DACH2: variants seen among roughly 807,000 people sequenced by gnomAD.
DACH2 encodes dachshund family transcription factor 2.
In DACH2, 17 loss-of-function variants were observed where a neutral mutation model predicts 35.8. The observed-to-expected ratio is 0.48, with a 90% confidence interval of 0.33 to 0.71. DACH2 has a LOEUF of 0.71. DACH2 is among the 30% of genes least tolerant of loss of function. The pLI is 0.02. For missense variants in DACH2, 469 were observed against 472.7 expected (o/e 0.99, Z 0.07); for synonymous variants, 195 against 177.3 (o/e 1.10, Z -0.79).
intron 1 of DACH2, among the ~76,000 whole-genome samples, chrX:86,276,717 A>G (rs1237655837): frequency 1.8e-5 from 2 of 112,118 alleles, no homozygotes; most frequent in Non-Finnish European, 3.8e-5. Flanking sequence ...ATGGCAAGAG[A>G]TAGAGATCTG....
chrX:86,156,903 C>A (rs756135163), intron 1 of DACH2, among the ~76,000 whole-genome samples: 13 of 111,217 alleles, frequency 1.2e-4, no homozygotes, highest in Middle Eastern at 4.7e-3. Context: ...CCTGAATAAT[C>A]TTAAGGCCCA....
chrX:86,669,812 ACT>A (rs2040742962), intron 4 of DACH2, among the ~76,000 whole-genome samples: 1 of 111,039 alleles, frequency 9.0e-6, no homozygotes, highest in Non-Finnish European at 1.9e-5. Flanking sequence ...TGGGTTCATG[ACT>A]CTGCTCACAC....
intron 3 of DACH2, among the ~76,000 whole-genome samples, chrX:86,564,565 A>G (rs2039270264): frequency 9.0e-6 from 1 of 111,595 alleles, no homozygotes; most frequent in Admixed American, 9.6e-5. Context: ...CCTCAATGTA[A>G]TATAAAACCA....
At chrX:86,759,443 C>A (rs1024819616) in intron 7 of DACH2, among the ~76,000 whole-genome samples, 8 of 111,317 alleles carry the variant, frequency 7.2e-5, no homozygotes, top group South Asian at 3.7e-4. Context: ...GCTACTCCTA[C>A]TTGCTTTTGG....
chrX:86,721,441 C>T (rs1372969776), intron 6 of DACH2, among the ~76,000 whole-genome samples: 1 of 111,844 alleles, frequency 8.9e-6, no homozygotes, highest in Non-Finnish European at 1.9e-5. Flanking sequence ...TAGCAAGAGT[C>T]ACCTTTATTC....
At chrX:86,322,397 GTCTCCTTGT>G (rs999184436) in intron 1 of DACH2, among the ~76,000 whole-genome samples, 9 of 110,941 alleles carry the variant, frequency 8.1e-5, no homozygotes, top group Admixed American at 7.6e-4. Context: ...GCATCCCTTA[GTCTCCTTGT>G]TCTTTTTAGT....
intron 7 of DACH2, among the ~76,000 whole-genome samples, chrX:86,802,467 G>A (rs1249485774): frequency 1.0e-5 from 1 of 98,150 alleles, no homozygotes; most frequent in Non-Finnish European, 2.0e-5. Flanking sequence ...TGCCAGGTCA[G>A]AACAGTAAAT....
intron 3 of DACH2, among the ~76,000 whole-genome samples, chrX:86,579,277 G>A (rs760694325): frequency 9.0e-6 from 1 of 110,675 alleles, no homozygotes; most frequent in African/African-American, 3.3e-5. Context: ...ATTTTTAGTA[G>A]AGTTGAGGTT....
At chrX:86,631,733 A>G (rs985378999) in intron 3 of DACH2, among the ~76,000 whole-genome samples, 4 of 111,963 alleles carry the variant, frequency 3.6e-5, no homozygotes, top group Non-Finnish European at 7.5e-5. Flanking sequence ...AACATTTCAA[A>G]CTAATATGAT....
chrX:86,796,048 T>G (rs1416087334), intron 7 of DACH2, among the ~76,000 whole-genome samples: 1 of 112,023 alleles, frequency 8.9e-6, no homozygotes, highest in Non-Finnish European at 1.9e-5. Context: ...CGCTGCTGGC[T>G]TGGGTGGCCA....
intron 2 of DACH2, among the ~76,000 whole-genome samples, chrX:86,423,199 C>A (rs776819469): frequency 2.7e-5 from 3 of 110,904 alleles, no homozygotes; most frequent in Non-Finnish European, 5.7e-5. Flanking sequence ...AGGGAGATTG[C>A]GGAATAATAT....
intron 11 of DACH2, among the ~76,000 whole-genome samples, chrX:86,818,105 C>A (rs142729010): frequency 0.033 from 3,712 of 111,267 alleles, 142 homozygotes; most frequent in African/African-American, 0.11. Context: ...GGATGTCTGT[C>A]TTTTATATTA....
intron 7 of DACH2, among the ~76,000 whole-genome samples, chrX:86,793,242 G>A (rs971001855): frequency 1.8e-5 from 2 of 108,736 alleles, no homozygotes; most frequent in African/African-American, 6.7e-5. Context: ...GTTTTTTTTT[G>A]CTATTGAGTT....
rs773556320 is a variant in DACH2 at position 86,796,154 on chromosome X, G to A, written c.1241-16702G>A. ...CATTTTACAGATTGCTGATTGGTCCGTTTTTACAGAGTGCTGCTTGGTACG... is the reference window on the plus strand; with the variant it reads ...CATTTTACAGATTGCTGATTGGTCCATTTTTACAGAGTGCTGCTTGGTACG... On this transcript the variant is annotated intron_variant, in intron 7 of 11. Transcript: ENST00000373125. 4.5e-5 allele frequency among the ~76,000 whole-genome samples: 5 copies of A among 111,488 alleles called. No individual in the cohort carries two copies. The South Asian group carries it at 1.5e-3, about 33-fold the overall frequency.
intron 1 of DACH2, among the ~76,000 whole-genome samples, chrX:86,315,216 T>C (rs66498317): frequency 0.17 from 19,424 of 111,782 alleles, 1,801 homozygotes; most frequent in African/African-American, 0.36. Context: ...GCCTGTGCTA[T>C]GCAAATGGCA....
At chrX:86,479,781 A>G (rs2037909481) in intron 2 of DACH2, among the ~76,000 whole-genome samples, 1 of 112,206 alleles carries the variant, frequency 8.9e-6, no homozygotes, top group Non-Finnish European at 1.9e-5. Flanking sequence ...ATTCCTCAGT[A>G]TGTCAATTGT....
At chrX:86,562,630 T>A (rs1331411815) in intron 3 of DACH2, among the ~76,000 whole-genome samples, 1 of 111,818 alleles carries the variant, frequency 8.9e-6, no homozygotes, top group Non-Finnish European at 1.9e-5. Context: ...TCTCTGTGTG[T>A]GCATACAGAT....
At chrX:86,491,075 C>T (rs1206887634) in intron 2 of DACH2, among the ~76,000 whole-genome samples, 1 of 111,218 alleles carries the variant, frequency 9.0e-6, no homozygotes, top group Non-Finnish European at 1.9e-5. Flanking sequence ...AAATAATTTC[C>T]AAGTAGAAGT....
chrX:86,764,891 T>C (rs559615614), intron 7 of DACH2, among the ~76,000 whole-genome samples: 102 of 112,234 alleles, frequency 9.1e-4, no homozygotes, highest in Non-Finnish European at 1.7e-3. Context: ...CACAAACATA[T>C]GTTGTTTTTC....
Sources: gnomAD v4.1 joint callset for allele counts (sites outside exome capture counted in the v4.1 genomes callset) on GRCh38, gnomAD v4.1.1 for gene constraint, MANE v1.5 for transcripts, NCBI Gene and HGNC (gene_info 2026-07-23, HGNC 2026-07-21) for gene names.